The following ROBO2 variants were observed in gnomAD, a reference collection of about 807,000 sequenced individuals.
ROBO2 encodes roundabout homolog 2.
In ROBO2, 53 loss-of-function variants were observed where a neutral mutation model predicts 160.8. The ratio of observed to expected loss-of-function variants is 0.33; its 90% CI spans 0.26 to 0.41. ROBO2 has a LOEUF of 0.41. ROBO2 is among the 10% of genes least tolerant of loss of function. The probability of loss-of-function intolerance (pLI) is 1.00; values close to 1 mark genes in which losing one functional copy is unlikely to be tolerated. For synonymous variants in ROBO2, 664 were observed against 611.7 expected (o/e 1.09, Z -1.26); for missense variants, 1,577 against 1,722.4 (o/e 0.92, Z 1.49).
intron 2 of ROBO2, among the ~76,000 whole-genome samples, chr3:77,179,182 G>T (rs1259577978): frequency 6.6e-6 from 1 of 151,498 alleles, no homozygotes; most frequent in Admixed American, 6.6e-5. Flanking sequence ...TTTAGTAACT[G>T]CCTTTAGGTT....
chr3:77,491,423 A>G (rs1255658188), intron 4 of ROBO2, among the ~76,000 whole-genome samples: 2 of 152,184 alleles, frequency 1.3e-5, no homozygotes, highest in African/African-American at 2.4e-5. Context: ...ATAGCACAGA[A>G]GAAGTCGATC....
chr3:76,681,916 T>G (rs2092573426), intron 2 of ROBO2, among the ~76,000 whole-genome samples: 1 of 152,074 alleles, frequency 6.6e-6, no homozygotes, highest in Non-Finnish European at 1.5e-5. Flanking sequence ...TGGATTTCAT[T>G]TGAAATAAAG....
intron 17 of ROBO2, among the ~76,000 whole-genome samples, chr3:77,592,817 G>T (rs1398180080): frequency 1.3e-5 from 2 of 152,194 alleles, no homozygotes; most frequent in African/African-American, 4.8e-5. Context: ...CTCCCAAAGT[G>T]CTGGGATTAC....
At chr3:75,995,902 A>T (rs1294965913) in intron 2 of ROBO2, among the ~76,000 whole-genome samples, 1 of 152,166 alleles carries the variant, frequency 6.6e-6, no homozygotes, top group African/African-American at 2.4e-5. Context: ...TTGGACTTGC[A>T]TGGGCCTGTA....
intron 2 of ROBO2, among the ~76,000 whole-genome samples, chr3:76,212,115 TTAAG>T (rs989152872): frequency 3.3e-5 from 5 of 152,120 alleles, no homozygotes; most frequent in African/African-American, 1.2e-4. Flanking sequence ...TGTATGTTCT[TTAAG>T]TAGGTGAACC....
intron 2 of ROBO2, among the ~76,000 whole-genome samples, chr3:77,213,363 C>A (rs2084455477): frequency 6.6e-6 from 1 of 152,162 alleles, no homozygotes; most frequent in Admixed American, 6.5e-5. Context: ...AGTTTATTTG[C>A]ATAGAGTTGT....
intron 23 of ROBO2, among the ~76,000 whole-genome samples, chr3:77,623,603 A>T (rs1468185208): frequency 6.6e-6 from 1 of 152,132 alleles, no homozygotes; most frequent in East Asian, 1.9e-4. Flanking sequence ...CCTAATTAAG[A>T]TTTAAGAGCT....
At chr3:76,544,480 T>C (rs1560123128) in intron 2 of ROBO2, among the ~76,000 whole-genome samples, 2 of 152,100 alleles carry the variant, frequency 1.3e-5, no homozygotes, top group Non-Finnish European at 2.9e-5. Flanking sequence ...AAAAATTTCC[T>C]CCAGCCATTT....
At chr3:76,111,485 C>T (rs868080102) in intron 2 of ROBO2, among the ~76,000 whole-genome samples, 8 of 152,012 alleles carry the variant, frequency 5.3e-5, no homozygotes, top group East Asian at 1.9e-4. Flanking sequence ...GAAATGAAGA[C>T]GCCTGGCATT....
At chr3:77,279,776 C>G (rs1178467245) in intron 2 of ROBO2, among the ~76,000 whole-genome samples, 1 of 152,006 alleles carries the variant, frequency 6.6e-6, no homozygotes, top group East Asian at 1.9e-4. Context: ...TGGTATCTGA[C>G]TTTTCCTACC....
intron 2 of ROBO2, among the ~76,000 whole-genome samples, chr3:76,916,251 G>C (rs1036213867): frequency 2.0e-5 from 3 of 152,190 alleles, no homozygotes; most frequent in African/African-American, 7.2e-5. Context: ...AATGAGACTT[G>C]TTTATGCAGC....
chr3:76,463,660 C>T (rs936492085), intron 2 of ROBO2, among the ~76,000 whole-genome samples: 8 of 152,100 alleles, frequency 5.3e-5, no homozygotes, highest in African/African-American at 1.9e-4. Flanking sequence ...TAAGAGTTGC[C>T]CCAGTGCCTA....
chr3:77,197,910 A>G (rs771922543), intron 2 of ROBO2, among the ~76,000 whole-genome samples: 1 of 152,160 alleles, frequency 6.6e-6, no homozygotes, highest in Non-Finnish European at 1.5e-5. Context: ...GAGAGATACA[A>G]CATTGCTCTC....
chr3:77,601,085 A>G (rs1017870017), intron 19 of ROBO2, among the ~76,000 whole-genome samples: 1 of 152,176 alleles, frequency 6.6e-6, no homozygotes, highest in Admixed American at 6.5e-5. Context: ...TTGCTAAAGA[A>G]GACAATTTTT....
chr3:76,939,268 T>G (rs2077987518), intron 2 of ROBO2, among the ~76,000 whole-genome samples: 1 of 152,210 alleles, frequency 6.6e-6, no homozygotes, highest in Non-Finnish European at 1.5e-5. Flanking sequence ...AGCTATTTCT[T>G]GATAAATCTT....
intron 2 of ROBO2, among the ~76,000 whole-genome samples, chr3:76,785,847 G>T (rs2062940215): frequency 6.6e-6 from 1 of 151,284 alleles, no homozygotes; most frequent in African/African-American, 2.4e-5. Flanking sequence ...AAGATTGTTG[G>T]TCTTAATATT....
intron 2 of ROBO2, among the ~76,000 whole-genome samples, chr3:76,275,245 A>G (rs1379177277): frequency 2.6e-5 from 4 of 152,124 alleles, no homozygotes; most frequent in African/African-American, 9.7e-5. Flanking sequence ...CCCAGTTACA[A>G]TTTAAGTAGT....
At chr3:76,010,901 C>T (rs2066172762) in intron 2 of ROBO2, among the ~76,000 whole-genome samples, 1 of 152,094 alleles carries the variant, frequency 6.6e-6, no homozygotes, top group Non-Finnish European at 1.5e-5. Flanking sequence ...TCATTTAGAA[C>T]TCACATATTT....
chr3:76,523,986 A>ATGTGTG (rs67480680), intron 2 of ROBO2, among the ~76,000 whole-genome samples: 5 of 149,340 alleles, frequency 3.3e-5, no homozygotes, highest in East Asian at 2.0e-4. Flanking sequence ...GTGTGTGTGT[A>ATGTGTG]TGTGTGTGTG....
Sources: gnomAD v4.1 joint callset for allele counts (sites outside exome capture counted in the v4.1 genomes callset) on GRCh38, gnomAD v4.1.1 for gene constraint, MANE v1.5 for transcripts, NCBI Gene and HGNC (gene_info 2026-07-23, HGNC 2026-07-21) for gene names.